NMNAT3: variants seen among roughly 807,000 people sequenced by gnomAD.
NMNAT3 encodes nicotinamide/nicotinic acid mononucleotide adenylyltransferase 3.
NMNAT3 carries 21 observed loss-of-function variants against 24.8 expected under a neutral mutation model. That is an observed-to-expected ratio of 0.85 (90% CI 0.60 to 1.22). The LOEUF (loss-of-function observed/expected upper bound fraction) is 1.22. NMNAT3 is among the 50% of genes most tolerant of loss of function. The pLI, the probability that NMNAT3 is intolerant of heterozygous loss-of-function variation, is 0.00. For missense variants in NMNAT3, 387 were observed against 436.6 expected (o/e 0.89, Z 1.01); for synonymous variants, 136 against 155.2 (o/e 0.88, Z 0.92).
At chr3:139,614,549 G>A (rs182010754) in intron 3 of NMNAT3, among the ~76,000 whole-genome samples, 2 of 152,320 alleles carry the variant, frequency 1.3e-5, no homozygotes, top group African/African-American at 4.8e-5. Flanking sequence ...CTGACATTTT[G>A]TATAGGCCAA....
At chr3:139,660,292 G>A (rs2057374103) in intron 1 of NMNAT3, among the ~76,000 whole-genome samples, 1 of 152,122 alleles carries the variant, frequency 6.6e-6, no homozygotes, top group African/African-American at 2.4e-5. Flanking sequence ...AGAAAATTGA[G>A]TGTTCACTAC....
At position 139,561,395 on chromosome 3, in the gene NMNAT3, G is replaced by A. The variant is rs1936361540; in HGVS notation, c.659-3C>T. On this transcript the variant is annotated splice_polypyrimidine_tract_variant and splice_region_variant and intron_variant, in intron 6 of 6. Transcript: ENST00000643695. ...GAGAAGCTTCAGCTCAGGCACAGCT[G>A]CAAAAACAAGGATGGACCCAGTAAA... is the stretch of plus-strand genomic sequence containing the variant. The A allele has an allele frequency of 2.5e-6, 4 of 1,609,770 alleles. No homozygotes were observed. The highest frequency in any genetic ancestry group is 2.5e-6 in the Non-Finnish European group (3 of 1,177,156).
chr3:139,674,917 C>A (rs1357297506), intron 1 of NMNAT3, among the ~76,000 whole-genome samples: 3 of 152,160 alleles, frequency 2.0e-5, no homozygotes. Flanking sequence ...ATGCTCCTAA[C>A]AGCCCTATGA....
Position 139,583,618 on chromosome 3 carries a change from A to C in NMNAT3, c.110-410T>G. On this transcript the variant is annotated intron_variant, in intron 3 of 6. Coordinates refer to ENST00000643695, the MANE Select transcript of NMNAT3 (RefSeq NM_001320510.2). ...TTCTTCATTCAAACAAAAGTTTAAC[A>C]GCTATTTCTAAAACACATATCATCT... is the stretch of plus-strand genomic sequence containing the variant. The C allele has an allele frequency of 3.3e-6, 3 of 921,786 alleles. No individual in the cohort carries two copies. In the South Asian group the frequency reaches 4.0e-5, roughly 12 times the overall value. The allele number at this position is 921,786 out of a possible 1,614,324, so 57.1% of individuals were successfully genotyped here.
At chr3:139,594,257 A>G (rs1238326870) in intron 3 of NMNAT3, among the ~76,000 whole-genome samples, 1 of 152,230 alleles carries the variant, frequency 6.6e-6, no homozygotes, top group Non-Finnish European at 1.5e-5. Flanking sequence ...CCAAGACTAA[A>G]CAAGGAAGAA....
intron 3 of NMNAT3, chr3:139,609,799 G>A (rs2055120152): frequency 1.3e-5 from 2 of 152,016 alleles, no homozygotes; most frequent in Admixed American, 1.3e-4. Flanking sequence ...CACTCCTTAG[G>A]CAACCTGGTG....
At position 139,627,758 on chromosome 3, in the gene NMNAT3, C is replaced by T; in HGVS notation, c.-34G>A. 1.5e-6 allele frequency: 2 copies of T among 1,337,056 alleles called. No individual in the cohort carries two copies. Among genetic ancestry groups the T allele is most frequent in the Non-Finnish European group, 1.0e-6 (1 of 965,714 alleles). The allele number at this position is 1,337,056 out of a possible 1,614,324, so 82.8% of individuals were successfully genotyped here. A position where few individuals can be genotyped will look rare whatever the true frequency, so the allele number is the denominator to read the frequency against. Reference sequence around the variant, plus strand: ...GCACATCCACACCTGTTGCAGTGGCCACCCTGCTTTTATGGGGACAAAAGC... The same window carrying T: ...GCACATCCACACCTGTTGCAGTGGCTACCCTGCTTTTATGGGGACAAAAGC... On this transcript the variant is annotated 5_prime_UTR_variant, in exon 3 of 7. Coordinates refer to ENST00000643695, the MANE Select transcript of NMNAT3 (RefSeq NM_001320510.2).
At chr3:139,671,512 T>G (rs2057755080) in intron 1 of NMNAT3, among the ~76,000 whole-genome samples, 1 of 152,156 alleles carries the variant, frequency 6.6e-6, no homozygotes, top group African/African-American at 2.4e-5. Flanking sequence ...AGCATTTCAG[T>G]GACACCTGAA....
chr3:139,632,357 C>T (rs16849222), intron 2 of NMNAT3, among the ~76,000 whole-genome samples: 49,332 of 152,050 alleles, frequency 0.32, 8,295 homozygotes, highest in African/African-American at 0.4. Flanking sequence ...CTATTGGGCC[C>T]TCTTTACCAC....
At chr3:139,610,150 A>G (rs1302504888) in intron 3 of NMNAT3, among the ~76,000 whole-genome samples, 1 of 152,144 alleles carries the variant, frequency 6.6e-6, no homozygotes, top group East Asian at 1.9e-4. Flanking sequence ...GAGGCAGTGA[A>G]TTCCAGAATA....
intron 5 of NMNAT3, 79 bp downstream of exon 5, chr3:139,578,793 G>T: frequency 7.6e-7 from 1 of 1,319,114 alleles, no homozygotes; most frequent in Non-Finnish European, 1.0e-6. Context: ...CCCACAATCT[G>T]CCCTACCTTT....
intron 1 of NMNAT3, among the ~76,000 whole-genome samples, chr3:139,666,916 T>G (rs1465982456): frequency 6.6e-6 from 1 of 152,216 alleles, no homozygotes; most frequent in Non-Finnish European, 1.5e-5. Context: ...ATGACAGAAT[T>G]TCATTCTTTT....
rs887141030 is a variant in NMNAT3 at position 139,677,758 on chromosome 3, G to A, written c.-194C>T. ...CTCGGCGAGTCTCGGGGGACTGCGG[G>A]GGACTAGGGGACCTGCTGGGCCTAG... is the stretch of plus-strand genomic sequence containing the variant. On this transcript the variant is annotated 5_prime_UTR_variant, in exon 1 of 7. Transcript: ENST00000643695. The A allele has an allele frequency of 2.0e-5, 3 of 152,340 alleles. No individual in the cohort carries two copies. Among genetic ancestry groups the A allele is most frequent in the Admixed American group, 6.5e-5 (1 of 15,286 alleles). 9.4% of individuals were successfully genotyped at this position (152,340 alleles called of 1,614,324 possible). A position where few individuals can be genotyped will look rare whatever the true frequency, so the allele number is the denominator to read the frequency against.
chr3:139,596,937 TATATATATATATATATATATATATATA>T (rs2054496657), intron 3 of NMNAT3, among the ~76,000 whole-genome samples: 3 of 79,976 alleles, frequency 3.8e-5, no homozygotes, highest in Admixed American at 2.3e-4. Flanking sequence ...TATATATATA[TATATATATATATATATATATATATATA>T]TTTTTATTAC....
In NMNAT3 at chr3:139,561,354, A is replaced by G; in HGVS notation, c.697T>C (p.Leu233=). ...AGGTTGGGGGTCTGGAAGGTCTTCAAGACGTCTGCCCCACAGAGAAGCTTC... is the reference window on the plus strand; with the variant it reads ...AGGTTGGGGGTCTGGAAGGTCTTCAGGACGTCTGCCCCACAGAGAAGCTTC... The change falls in exon 7 of 7, where the codon TTG becomes CTG. Residue 233 remains leucine (L), a synonymous_variant. Coordinates refer to ENST00000643695, the MANE Select transcript of NMNAT3 (RefSeq NM_001320510.2). The G allele has an allele frequency of 1.9e-6, 3 of 1,614,070 alleles. No individual in the cohort carries two copies. The highest frequency in any genetic ancestry group is 2.5e-6 in the Non-Finnish European group (3 of 1,180,030).
chr3:139,576,880 C>T (rs991930558), intron 5 of NMNAT3, among the ~76,000 whole-genome samples: 1 of 151,812 alleles, frequency 6.6e-6, no homozygotes, highest in African/African-American at 2.4e-5. Flanking sequence ...ACATGGTGAA[C>T]CCCCGTCTCT....
Position 139,560,947 on chromosome 3 carries a change from C to A in NMNAT3, c.*63G>T. On this transcript the variant is annotated 3_prime_UTR_variant, in exon 7 of 7. Coordinates refer to ENST00000643695, the MANE Select transcript of NMNAT3 (RefSeq NM_001320510.2). ...GCAAAAACCAAAGTAAAACAGAAAC[C>A]TTAACAGCCCTCTCCCCAGCAGGAG... 6.6e-7 allele frequency: 1 copy of A among 1,515,882 alleles called. No homozygotes were observed. Among genetic ancestry groups the A allele is most frequent in the Admixed American group, 2.1e-5 (1 of 48,340 alleles). 93.9% of individuals were successfully genotyped at this position (1,515,882 alleles called of 1,614,324 possible). A position where few individuals can be genotyped will look rare whatever the true frequency, so the allele number is the denominator to read the frequency against.
Position 139,589,904 on chromosome 3 carries a change from G to A in NMNAT3, c.110-6696C>T, listed in dbSNP as rs148116330. On this transcript the variant is annotated intron_variant, in intron 3 of 6. Transcript: ENST00000643695. Reference sequence around the variant, plus strand: ...CTTTCTCACAAAGATGCCAGAAGACGAACTCCACCACCCAAATAAGAGAGT... The same window carrying A: ...CTTTCTCACAAAGATGCCAGAAGACAAACTCCACCACCCAAATAAGAGAGT... Among the ~76,000 whole-genome samples, 785 of 152,208 alleles carry A rather than the reference G, an allele frequency of 5.2e-3. 13 individuals carry two copies. Among genetic ancestry groups the A allele is most frequent in the African/African-American group, 0.018 (729 of 41,512 alleles).
intron 1 of NMNAT3, among the ~76,000 whole-genome samples, chr3:139,665,738 G>GAA (rs879278675): frequency 6.3e-4 from 96 of 151,446 alleles, no homozygotes; most frequent in Admixed American, 1.2e-3. Context: ...GAGAGAGAGA[G>GAA]AGAGAGAGAG....
Sources: allele counts gnomAD v4.1 joint callset (sites outside exome capture counted in the v4.1 genomes callset), GRCh38; gene constraint gnomAD v4.1.1; transcripts MANE v1.5; gene names NCBI Gene and HGNC (gene_info 2026-07-23, HGNC 2026-07-21).